CSMD1: variants seen among roughly 807,000 people sequenced by gnomAD.
The protein encoded by CSMD1 is CUB and sushi domain-containing protein 1.
Under a neutral mutation model 417.5 loss-of-function variants are expected in CSMD1, and 213 were observed. The observed-to-expected ratio is 0.51, with a 90% CI of 0.46 to 0.57. CSMD1 has a LOEUF of 0.57. Ranked by LOEUF, CSMD1 falls within the 20% of genes least tolerant of loss-of-function variation. CSMD1 has a pLI of 0.00. For synonymous variants in CSMD1, 2,862 were observed against 1,736.8 expected (o/e 1.65, Z -16.11); for missense variants, 6,923 against 4,529.7 (o/e 1.53, Z -15.17).
At chr8:3,569,126 G>A (rs1224865609) in intron 10 of CSMD1, among the ~76,000 whole-genome samples, 3 of 152,194 alleles carry the variant, frequency 2.0e-5, no homozygotes, top group South Asian at 2.1e-4. Context: ...TGTTCCAATT[G>A]TTTAAAAATC....
intron 1 of CSMD1, among the ~76,000 whole-genome samples, chr8:4,993,212 C>T (rs1010572921): frequency 5.3e-5 from 8 of 152,062 alleles, no homozygotes; most frequent in Admixed American, 2.0e-4. Flanking sequence ...GAAAAAAAAT[C>T]GTAAGATTGG....
chr8:3,090,599 T>C (rs1487785730), intron 48 of CSMD1, among the ~76,000 whole-genome samples: 1 of 152,160 alleles, frequency 6.6e-6, no homozygotes, highest in Admixed American at 6.5e-5. Context: ...TTCCTGGTTT[T>C]CCCTTTGGAC....
At chr8:3,017,896 C>G (rs1393684212) in intron 52 of CSMD1, among the ~76,000 whole-genome samples, 1 of 150,554 alleles carries the variant, frequency 6.6e-6, no homozygotes, top group Non-Finnish European at 1.5e-5. Context: ...TTACAAATCA[C>G]CAGCAGACCT....
At chr8:3,558,050 C>G (rs1049793225) in intron 10 of CSMD1, among the ~76,000 whole-genome samples, 1 of 149,960 alleles carries the variant, frequency 6.7e-6, no homozygotes, top group African/African-American at 2.5e-5. Context: ...CCCGTGTCCA[C>G]TCCTCTGATG....
At chr8:4,247,678 G>A (rs1019540542) in intron 3 of CSMD1, among the ~76,000 whole-genome samples, 7 of 152,128 alleles carry the variant, frequency 4.6e-5, no homozygotes, top group Admixed American at 2.0e-4. Context: ...ATTTTGTAAT[G>A]TATGAGCTTC....
chr8:2,941,080 C>G (rs778893543), intron 69 of CSMD1, among the ~76,000 whole-genome samples: 1 of 152,168 alleles, frequency 6.6e-6, no homozygotes, highest in African/African-American at 2.4e-5. Context: ...TAAGGCTCAT[C>G]GGACTTGTGT....
intron 11 of CSMD1, among the ~76,000 whole-genome samples, chr8:3,470,691 C>A (rs1483222154): frequency 2.0e-5 from 3 of 152,148 alleles, no homozygotes; most frequent in African/African-American, 7.2e-5. Flanking sequence ...ACACCCCCTT[C>A]ACTGTCCCTA....
chr8:4,164,155 C>T (rs113092722), intron 3 of CSMD1, among the ~76,000 whole-genome samples: 59 of 150,662 alleles, frequency 3.9e-4, no homozygotes, highest in Admixed American at 1.1e-3. Context: ...AAAATGTAAT[C>T]ATTAGATTAT....
chr8:3,747,772 T>A (rs1408523587), intron 6 of CSMD1, among the ~76,000 whole-genome samples: 2 of 152,200 alleles, frequency 1.3e-5, no homozygotes, highest in African/African-American at 4.8e-5. Flanking sequence ...CAATTCAGAT[T>A]TCCACCAATA....
intron 10 of CSMD1, among the ~76,000 whole-genome samples, chr8:3,563,335 G>C (rs913410469): frequency 4.1e-5 from 6 of 147,418 alleles, no homozygotes; most frequent in Non-Finnish European, 8.9e-5. Flanking sequence ...GTTTTGCTTT[G>C]TTGTTACTCA....
chr8:4,224,859 C>A (rs957216923), intron 3 of CSMD1, among the ~76,000 whole-genome samples: 1 of 152,320 alleles, frequency 6.6e-6, no homozygotes, highest in African/African-American at 2.4e-5. Flanking sequence ...CCTGTCATCC[C>A]AGCACTTTGG....
intron 3 of CSMD1, among the ~76,000 whole-genome samples, chr8:4,377,269 T>C (rs1802811498): frequency 1.3e-5 from 2 of 152,144 alleles, no homozygotes; most frequent in Admixed American, 6.6e-5. Context: ...CTATCACCCC[T>C]GGGACAGAGA....
At chr8:3,542,880 G>A (rs772532056) in intron 10 of CSMD1, among the ~76,000 whole-genome samples, 1 of 152,182 alleles carries the variant, frequency 6.6e-6, no homozygotes, top group Non-Finnish European at 1.5e-5. Flanking sequence ...CTCAGCTACG[G>A]TGCAAGTGGG....
At chr8:4,023,783 T>C (rs6995825) in intron 4 of CSMD1, among the ~76,000 whole-genome samples, 8 of 71,038 alleles carry the variant, frequency 1.1e-4, no homozygotes, top group African/African-American at 3.6e-4. Context: ...TTTTTTTTTT[T>C]TGTGTGTGTA....
chr8:4,012,090 C>A (rs868179850), intron 4 of CSMD1, among the ~76,000 whole-genome samples: 5 of 152,088 alleles, frequency 3.3e-5, no homozygotes, highest in Non-Finnish European at 7.4e-5. Context: ...ATATTGTAGA[C>A]ATAGCCACAA....
intron 3 of CSMD1, among the ~76,000 whole-genome samples, chr8:4,271,239 C>T (rs566306144): frequency 3.9e-5 from 6 of 152,194 alleles, no homozygotes; most frequent in East Asian, 3.9e-4. Flanking sequence ...CGAATCAGGG[C>T]GTAGTGGACA....
chr8:3,935,352 G>C (rs1174852349), intron 5 of CSMD1, among the ~76,000 whole-genome samples: 2 of 152,156 alleles, frequency 1.3e-5, no homozygotes, highest in African/African-American at 4.8e-5. Context: ...TTTCACTTAA[G>C]AAATTGTCAT....
rs150125706 is a variant in CSMD1, at chr8:3,071,371, G to A, written c.7474+15726C>T. Among the ~76,000 whole-genome samples, 637 of 152,266 alleles carry A rather than the reference G, an allele frequency of 4.2e-3. 2 individuals are homozygous for A. Among genetic ancestry groups the A allele is most frequent in the Non-Finnish European group, 6.8e-3 (460 of 68,028 alleles). The stretch of plus-strand genomic sequence containing the variant: ...CATCACGGGGTGGGGAGCAAGAGGA[G>A]GGAGAGCATTAGGACAAATACCTAA... On this transcript the variant is annotated intron_variant, in intron 49 of 69. Coordinates refer to ENST00000635120, the MANE Select transcript of CSMD1 (RefSeq NM_033225.6).
At chr8:4,871,184 G>A (rs769013036) in intron 1 of CSMD1, among the ~76,000 whole-genome samples, 1 of 152,148 alleles carries the variant, frequency 6.6e-6, no homozygotes, top group African/African-American at 2.4e-5. Context: ...CATCATGTAT[G>A]AGTATTTCCA....
Sources: allele counts gnomAD v4.1 joint callset (sites outside exome capture counted in the v4.1 genomes callset), GRCh38; gene constraint gnomAD v4.1.1; transcripts MANE v1.5; gene names NCBI Gene and HGNC (gene_info 2026-07-23, HGNC 2026-07-21).